MAP2K6: variants seen among roughly 807,000 people sequenced by gnomAD.
The protein encoded by MAP2K6 is mitogen-activated protein kinase kinase 6.
Under a neutral mutation model 53.7 loss-of-function variants are expected in MAP2K6, and 16 were observed. The observed-to-expected ratio is 0.30, with a 90% CI of 0.20 to 0.45. MAP2K6 has a LOEUF of 0.45. Ranked by LOEUF, MAP2K6 falls within the 20% of genes least tolerant of loss-of-function variation. The pLI is 1.00. For missense variants in MAP2K6, 204 were observed against 411.9 expected, an observed-to-expected ratio of 0.50 and a Z score of 4.37; for synonymous variants, 132 against 143.1, an observed-to-expected ratio of 0.92 and a Z score of 0.55.
At chr17:69,417,091 A>G (rs2034192647) in intron 1 of MAP2K6, among the ~76,000 whole-genome samples, 1 of 152,170 alleles carries the variant, frequency 6.6e-6, no homozygotes, top group African/African-American at 2.4e-5. Flanking sequence ...TACATCTGGA[A>G]TGAACATGGG....
chr17:69,476,445 T>G (rs552605454), intron 1 of MAP2K6, among the ~76,000 whole-genome samples: 4 of 152,336 alleles, frequency 2.6e-5, no homozygotes, highest in Admixed American at 2.0e-4. Flanking sequence ...GCCAATCCAG[T>G]CTTCAGTTAA....
intron 1 of MAP2K6, among the ~76,000 whole-genome samples, chr17:69,431,004 G>T (rs1174084381): frequency 6.6e-6 from 1 of 152,154 alleles, no homozygotes; most frequent in Non-Finnish European, 1.5e-5. Flanking sequence ...CTTTGATCCA[G>T]CATTTTTATT....
rs779317296 is a variant in MAP2K6 at position 69,519,384 on chromosome 17, G to A, written c.318G>A (p.Thr106=). ...TGGATTTGGATATTTCCATGAGGACGGTGGACTGTCCATTCACTGTCACCT... is the reference window on the plus strand; with the variant it reads ...TGGATTTGGATATTTCCATGAGGACAGTGGACTGTCCATTCACTGTCACCT... ...LLMDLDISMR[T]VDCPFTVTFY... Residue 106 remains threonine (T), a synonymous_variant, in exon 5 of 12, where the codon ACG becomes ACA. Transcript: ENST00000590474. The A allele has an allele frequency of 2.2e-5, 36 of 1,613,956 alleles. No individual in the cohort carries two copies. The highest frequency in any genetic ancestry group is 4.0e-5 in the African/African-American group (3 of 74,930).
At chr17:69,511,942 G>GCA (rs1353630771) in intron 2 of MAP2K6, among the ~76,000 whole-genome samples, 1 of 152,182 alleles carries the variant, frequency 6.6e-6, no homozygotes, top group East Asian at 1.9e-4. Context: ...TCGTGCCATT[G>GCA]CACTCCAGCC....
chr17:69,475,999 G>A (rs1908137666), intron 1 of MAP2K6, among the ~76,000 whole-genome samples: 1 of 152,138 alleles, frequency 6.6e-6, no homozygotes, highest in Admixed American at 6.5e-5. Flanking sequence ...CCCTTTTTAG[G>A]TGTATAATAA....
chr17:69,433,809 A>G (rs1906550099), intron 1 of MAP2K6: 1 of 152,200 alleles, frequency 6.6e-6, no homozygotes, highest in South Asian at 2.1e-4. Context: ...GGGCAAGTGA[A>G]ATGACACGAG....
intron 1 of MAP2K6, chr17:69,433,587 G>C (rs1397427230): frequency 6.6e-6 from 1 of 152,200 alleles, no homozygotes; most frequent in African/African-American, 2.4e-5. Context: ...TTCACTGTGT[G>C]GTTCACTGCT....
chr17:69,446,980 T>G (rs1392637866), intron 1 of MAP2K6, among the ~76,000 whole-genome samples: 1 of 148,908 alleles, frequency 6.7e-6, no homozygotes, highest in Non-Finnish European at 1.5e-5. Context: ...CTGTTTCTTT[T>G]TTTTTTTTTT....
intron 1 of MAP2K6, 140 bp from the exon 2 acceptor site, chr17:69,505,640 T>C (rs746936118): frequency 4.3e-6 from 3 of 697,148 alleles, no homozygotes; most frequent in Non-Finnish European, 7.9e-6. Flanking sequence ...ACTCACAGAC[T>C]TCCTGGGTAG....
intron 1 of MAP2K6, among the ~76,000 whole-genome samples, chr17:69,485,867 A>AT (rs888645189): frequency 2.0e-5 from 3 of 152,036 alleles, no homozygotes; most frequent in Non-Finnish European, 2.9e-5. Context: ...ATTTCCCATC[A>AT]TTTTTTAAGA....
At chr17:69,449,501 TTTTC>T (rs1221369814) in intron 1 of MAP2K6, among the ~76,000 whole-genome samples, 4 of 100,434 alleles carry the variant, frequency 4.0e-5, no homozygotes, top group African/African-American at 1.8e-4. Context: ...TTTCTTTCTT[TTTTC>T]TTTCTTTCTT....
intron 1 of MAP2K6, among the ~76,000 whole-genome samples, chr17:69,462,364 C>T (rs932489544): frequency 2.6e-5 from 4 of 152,050 alleles, no homozygotes; most frequent in South Asian, 2.1e-4. Flanking sequence ...CTCCATAAAA[C>T]GACAAGAGAA....
chr17:69,427,757 A>T (rs1906319780), intron 1 of MAP2K6, among the ~76,000 whole-genome samples: 1 of 152,218 alleles, frequency 6.6e-6, no homozygotes, highest in African/African-American at 2.4e-5. Flanking sequence ...CAGCCATATC[A>T]TCTCATTCAA....
At chr17:69,432,746 A>G (rs1162068039) in intron 1 of MAP2K6, among the ~76,000 whole-genome samples, 1 of 151,340 alleles carries the variant, frequency 6.6e-6, no homozygotes, top group Non-Finnish European at 1.5e-5. Context: ...GCAAACCACC[A>G]TTGCACACGT....
At chr17:69,481,188 T>A (rs1233753645) in intron 1 of MAP2K6, among the ~76,000 whole-genome samples, 2 of 152,206 alleles carry the variant, frequency 1.3e-5, no homozygotes, top group African/African-American at 4.8e-5. Flanking sequence ...CACTTTACTT[T>A]CTGTCTGTAT....
chr17:69,462,077 C>T (rs1482179824), intron 1 of MAP2K6, among the ~76,000 whole-genome samples: 1 of 152,174 alleles, frequency 6.6e-6, no homozygotes, highest in African/African-American at 2.4e-5. Flanking sequence ...GGGATGGTGG[C>T]ATGCGAAAGT....
At chr17:69,506,817 G>C (rs1288302173) in intron 2 of MAP2K6, among the ~76,000 whole-genome samples, 3 of 152,218 alleles carry the variant, frequency 2.0e-5, no homozygotes, top group East Asian at 1.9e-4. Context: ...GGACAAAGTA[G>C]AGTTGAGGGC....
chr17:69,482,142 T>C (rs144317074), intron 1 of MAP2K6, among the ~76,000 whole-genome samples: 16 of 152,258 alleles, frequency 1.1e-4, no homozygotes, highest in African/African-American at 3.6e-4. Flanking sequence ...AGGCAACTTA[T>C]GTCTTCAAGT....
intron 11 of MAP2K6, among the ~76,000 whole-genome samples, chr17:69,536,683 C>T (rs1364853547): frequency 6.6e-6 from 1 of 152,198 alleles, no homozygotes; most frequent in Non-Finnish European, 1.5e-5. Flanking sequence ...TATACTCCCT[C>T]AGCATTCACA....
Sources: gnomAD v4.1 joint callset for allele counts (sites outside exome capture counted in the v4.1 genomes callset) on GRCh38, gnomAD v4.1.1 for gene constraint, MANE v1.5 for transcripts, NCBI Gene and HGNC (gene_info 2026-07-23, HGNC 2026-07-21) for gene names.